The following SLC44A2 variants were observed in gnomAD, a reference collection of about 807,000 sequenced individuals.
SLC44A2 encodes solute carrier family 44 member 2 (CTL2 blood group).
SLC44A2 carries 57 observed loss-of-function variants against 90.8 expected under a neutral mutation model. The ratio of observed to expected loss-of-function variants is 0.63; its 90% confidence interval spans 0.51 to 0.78. The LOEUF is 0.78. SLC44A2 is among the 30% of genes least tolerant of loss of function. The pLI is 0.00. For missense variants in SLC44A2, 794 were observed against 919.7 expected, an observed-to-expected ratio of 0.86 and a Z score of 1.77; for synonymous variants, 355 against 360.7, an observed-to-expected ratio of 0.98 and a Z score of 0.18.
intron 1 of SLC44A2, among the ~76,000 whole-genome samples, chr19:10,616,991 G>T (rs987897518): frequency 1.3e-5 from 2 of 151,838 alleles, no homozygotes; most frequent in East Asian, 1.9e-4. Context: ...GCGCGATCTC[G>T]GCTCACTGCA....
At chr19:10,617,086 T>G (rs1206355512) in intron 1 of SLC44A2, among the ~76,000 whole-genome samples, 25 of 151,934 alleles carry the variant, frequency 1.6e-4, no homozygotes, top group Non-Finnish European at 1.5e-5. Context: ...CACGCCCGGC[T>G]AATTTTTGTA....
chr19:10,625,852 A>G (rs2066927787), intron 1 of SLC44A2, among the ~76,000 whole-genome samples, 182 bp downstream of exon 1: 1 of 151,914 alleles, frequency 6.6e-6, no homozygotes, highest in Non-Finnish European at 1.5e-5. Flanking sequence ...AGCCTCGCAG[A>G]CGACCCTCCT....
chr19:10,631,441 T>C (rs755773906), intron 6 of SLC44A2, 34 bp from the exon 7 acceptor site: 5 of 1,614,124 alleles, frequency 3.1e-6, no homozygotes, highest in Non-Finnish European at 3.4e-6. Flanking sequence ...TGTACTAGAC[T>C]TGGGGACTCA....
At chr19:10,629,495 C>T (rs954009028) in intron 4 of SLC44A2, among the ~76,000 whole-genome samples, 1 of 151,468 alleles carries the variant, frequency 6.6e-6, no homozygotes, top group Non-Finnish European at 1.5e-5. Flanking sequence ...TCAGGCTGGT[C>T]TCGAACTCCT....
chr19:10,625,157 A>G (rs2144838016), upstream of SLC44A2: 1 of 155,964 alleles, frequency 6.4e-6, no homozygotes, highest in Non-Finnish European at 1.4e-5. Flanking sequence ...AGCAGACAGA[A>G]AGAAAACTAA....
At chr19:10,623,337 C>T (rs1444124195), upstream of SLC44A2, among the ~76,000 whole-genome samples, 1 of 151,960 alleles carries the variant, frequency 6.6e-6, no homozygotes, top group Non-Finnish European at 1.5e-5. Context: ...GAGTTAGTGA[C>T]CAGAGCCCTG....
rs1368328816 is a variant in SLC44A2 at position 10,644,024 on chromosome 19, C to T, written c.*639C>T. On this transcript the variant is annotated 3_prime_UTR_variant, in exon 22 of 22. Coordinates refer to ENST00000335757, the MANE Select transcript of SLC44A2 (RefSeq NM_020428.4). ...GTGTGTGCCCAGGTGGGGGTGTCTC[C>T]TGGCTGGGAAGGAGGGAAAGGGAGG... The T allele has an allele frequency of 6.6e-6, 1 of 152,584 alleles. No individual in the cohort carries two copies. Among genetic ancestry groups the T allele is most frequent in the East Asian group, 1.9e-4 (1 of 5,200 alleles). The allele number at this position is 152,584 out of a possible 1,614,324, so 9.5% of individuals were successfully genotyped here. A position where few individuals can be genotyped will look rare whatever the true frequency, so the allele number is the denominator to read the frequency against.
intron 13 of SLC44A2, 31 bp downstream of exon 13, chr19:10,635,286 C>A: frequency 1.2e-6 from 2 of 1,611,210 alleles, no homozygotes; most frequent in South Asian, 2.2e-5. Context: ...ATCTCTGACC[C>A]CAGGGATGGC....
intron 1 of SLC44A2, chr19:10,602,684 C>A (rs961658406): frequency 3.3e-6 from 3 of 905,996 alleles, no homozygotes; most frequent in Non-Finnish European, 4.3e-6. Context: ...CGCGCTCGGG[C>A]CCCCGCATCC....
At chr19:10,609,751 C>T (rs963477298) in intron 1 of SLC44A2, among the ~76,000 whole-genome samples, 1 of 151,886 alleles carries the variant, frequency 6.6e-6, no homozygotes, top group African/African-American at 2.4e-5. Flanking sequence ...AGGTGTAAGC[C>T]ACCATGCCCA....
Position 10,636,314 on chromosome 19 carries a change from C to G in SLC44A2, c.1234-9C>G. 1.2e-6 allele frequency: 2 copies of G among 1,605,838 alleles called. No homozygotes were observed. Among genetic ancestry groups the G allele is most frequent in the Non-Finnish European group, 1.7e-6 (2 of 1,174,784 alleles). On this transcript the variant is annotated splice_polypyrimidine_tract_variant and intron_variant, in intron 14 of 21. Transcript: ENST00000335757. ...CTTTTTGGACTCGGTTCTCCCTTCT[C>G]TCCCACAGACCTTCCCCTCCTCCAA...
rs774833782 is a variant in SLC44A2 at position 10,635,045 on chromosome 19, G to A, written c.1027G>A (p.Ala343Thr). Residue 343 changes from alanine (A) to threonine (T), a missense_variant, in exon 12 of 22, where the codon GCG becomes ACG. Coordinates refer to ENST00000335757, the MANE Select transcript of SLC44A2 (RefSeq NM_020428.4). ...LIFLRKRILI[A>T]IALIKEASRA... ...CTTTCTCCGGAAGAGAATTCTCATC[G>A]CGATTGCACTCATCAAAGAAGCCAG... The A allele has an allele frequency of 2.5e-6, 4 of 1,614,120 alleles. No individual in the cohort carries two copies. The highest frequency in any genetic ancestry group is 1.1e-5 in the South Asian group (1 of 91,076).
At chr19:10,625,704 G>C in intron 1 of SLC44A2, 34 bp downstream of exon 1, 1 of 1,243,948 alleles carries the variant, frequency 8.0e-7, no homozygotes, top group Non-Finnish European at 1.0e-6. Context: ...GCCCCGGGCC[G>C]ACCCCTCGGT....
At chr19:10,617,396 T>C (rs1053726825) in intron 1 of SLC44A2, among the ~76,000 whole-genome samples, 2 of 152,162 alleles carry the variant, frequency 1.3e-5, no homozygotes, top group African/African-American at 4.8e-5. Flanking sequence ...ATATTACCAA[T>C]GTTCCCTCTT....
chr19:10,631,959 A>C lies in SLC44A2; in HGVS notation c.710+8A>C. 1.2e-6 allele frequency: 2 copies of C among 1,614,150 alleles called. No homozygotes were observed. The highest frequency in any genetic ancestry group is 1.7e-6 in the Non-Finnish European group (2 of 1,179,978). On this transcript the variant is annotated splice_region_variant and intron_variant, in intron 9 of 21. Coordinates refer to ENST00000335757, the MANE Select transcript of SLC44A2 (RefSeq NM_020428.4). ...TTGGTACTGGATTATCATGTAAGTC[A>C]GGAGGGAAGGGGCCTCTCCCCTGGC...
Position 10,635,263 on chromosome 19 carries a change from C to A in SLC44A2, c.1148+8C>A. The A allele has an allele frequency of 6.2e-7, 1 of 1,613,614 alleles. No homozygotes were observed. The highest frequency in any genetic ancestry group is 8.5e-7 in the Non-Finnish European group (1 of 1,179,762). On this transcript the variant is annotated splice_region_variant and intron_variant, in intron 13 of 21. Transcript: ENST00000335757. ...CTGGGCCAGCACTGCTGTGTATCTG[C>A]CCCCAGACACTGATCTCTGACCCCA...
intron 1 of SLC44A2, among the ~76,000 whole-genome samples, chr19:10,616,191 A>T (rs564221800): frequency 2.2e-4 from 34 of 151,842 alleles, no homozygotes; most frequent in Non-Finnish European, 4.4e-4. Flanking sequence ...ACATTTTATT[A>T]TTATGTTTAT....
chr19:10,618,441 C>G (rs977232690), intron 1 of SLC44A2, among the ~76,000 whole-genome samples: 1 of 140,628 alleles, frequency 7.1e-6, no homozygotes, highest in Non-Finnish European at 1.5e-5. Flanking sequence ...CCCAAAAGTG[C>G]TGGGTTTACA....
chr19:10,619,629 C>T (rs2066882692), intron 1 of SLC44A2, among the ~76,000 whole-genome samples: 3 of 151,936 alleles, frequency 2.0e-5, no homozygotes, highest in African/African-American at 4.8e-5. Context: ...TCAGCCACTA[C>T]GCCTGGCCTG....
Sources: allele counts gnomAD v4.1 joint callset (sites outside exome capture counted in the v4.1 genomes callset), GRCh38; gene constraint gnomAD v4.1.1; transcripts MANE v1.5; gene names NCBI Gene and HGNC (gene_info 2026-07-23, HGNC 2026-07-21).